The following SKAP2 variants were observed in gnomAD, a reference collection of about 807,000 sequenced individuals.
SKAP2 encodes src kinase-associated phosphoprotein 2.
SKAP2 carries 28 observed loss-of-function variants against 54.9 expected under a neutral mutation model. The observed-to-expected ratio is 0.51, with a 90% CI of 0.38 to 0.70. SKAP2 has a LOEUF of 0.70. Ranked by LOEUF, SKAP2 falls within the 30% of genes least tolerant of loss-of-function variation. The probability of loss-of-function intolerance (pLI) is 0.00; values close to 1 mark genes in which losing one functional copy is unlikely to be tolerated. For missense variants in SKAP2, 356 were observed against 424.1 expected, an observed-to-expected ratio of 0.84 and a Z score of 1.41; for synonymous variants, 137 against 134.3, an observed-to-expected ratio of 1.02 and a Z score of -0.14.
At chr7:26,811,129 C>G (rs1395862654) in intron 4 of SKAP2, among the ~76,000 whole-genome samples, 1 of 152,164 alleles carries the variant, frequency 6.6e-6, no homozygotes, top group Non-Finnish European at 1.5e-5. Flanking sequence ...CTAAACACAA[C>G]AAGCCTGAAG....
intron 4 of SKAP2, among the ~76,000 whole-genome samples, chr7:26,784,564 C>T (rs1489452454): frequency 6.6e-6 from 1 of 152,184 alleles, no homozygotes; most frequent in Non-Finnish European, 1.5e-5. Flanking sequence ...ATGAATCATT[C>T]ATATTTATCT....
intron 1 of SKAP2, 23 bp from the exon 2 acceptor site, chr7:26,854,913 C>T (rs760304733): frequency 6.8e-7 from 1 of 1,480,444 alleles, no homozygotes; most frequent in Non-Finnish European, 9.3e-7. Context: ...ATATAAGAAA[C>T]AGGATACAAA....
At chr7:26,686,341 G>A (rs1027037833) in intron 10 of SKAP2, among the ~76,000 whole-genome samples, 1 of 152,022 alleles carries the variant, frequency 6.6e-6, no homozygotes, top group African/African-American at 2.4e-5. Context: ...TGGGAGTGGA[G>A]AGAGAAGGAG....
chr7:26,805,146 T>G (rs1783998915), intron 4 of SKAP2, among the ~76,000 whole-genome samples: 2 of 152,184 alleles, frequency 1.3e-5, no homozygotes, highest in Admixed American at 6.5e-5. Flanking sequence ...GAGGTTCCCT[T>G]GAGCTTGAGA....
Position 26,672,138 on chromosome 7 carries a change from AAC to A in SKAP2, c.988-1948_988-1947del, listed in dbSNP as rs1429468444. Among the ~76,000 whole-genome samples, 151 of 152,168 alleles carry A rather than the reference AAC, an allele frequency of 9.9e-4. 2 individuals are homozygous for A. Among genetic ancestry groups the A allele is most frequent in the African/African-American group, 3.6e-3 (149 of 41,556 alleles). ...AGTGAGAAGACATATTATTGGCATA[AAC>A]TTGCTTCCAGAGAATGGCCCTCAAT... On this transcript the variant is annotated intron_variant, in intron 11 of 12. Transcript: ENST00000345317.
intron 9 of SKAP2, among the ~76,000 whole-genome samples, chr7:26,698,093 T>C (rs1786934875): frequency 6.6e-6 from 1 of 152,220 alleles, no homozygotes; most frequent in Non-Finnish European, 1.5e-5. Flanking sequence ...CTGCCTACTA[T>C]AACCTCTGGA....
At chr7:26,859,615 T>C (rs955190972) in intron 1 of SKAP2, among the ~76,000 whole-genome samples, 1 of 152,232 alleles carries the variant, frequency 6.6e-6, no homozygotes, top group Non-Finnish European at 1.5e-5. Context: ...TTTGGGAAGC[T>C]AAATGATGTA....
chr7:26,726,077 A>C, intron 7 of SKAP2, 91 bp from the exon 8 acceptor site: 1 of 793,624 alleles, frequency 1.3e-6, no homozygotes, highest in Non-Finnish European at 2.0e-6. Flanking sequence ...ACTATTAGTA[A>C]TTCTTTTCAT....
chr7:26,720,626 A>C (rs184143721), intron 9 of SKAP2, among the ~76,000 whole-genome samples: 6 of 152,252 alleles, frequency 3.9e-5, no homozygotes, highest in Admixed American at 3.3e-4. Context: ...GGTTTAATTG[A>C]CTCACAGTTT....
At chr7:26,741,149 T>C (rs1782436913) in intron 4 of SKAP2, among the ~76,000 whole-genome samples, 1 of 151,858 alleles carries the variant, frequency 6.6e-6, no homozygotes, top group South Asian at 2.1e-4. Flanking sequence ...AACATGTAAT[T>C]AGAATGAATA....
intron 9 of SKAP2, among the ~76,000 whole-genome samples, chr7:26,708,811 T>C (rs1450409895): frequency 1.3e-5 from 2 of 152,226 alleles, no homozygotes; most frequent in East Asian, 1.9e-4. Context: ...CTGAGTCATA[T>C]TGGTCAACAC....
At chr7:26,742,531 G>A (rs1279268535) in intron 4 of SKAP2, 1 of 152,090 alleles carries the variant, frequency 6.6e-6, no homozygotes, top group South Asian at 2.1e-4. Context: ...ATTTCCACCT[G>A]ATACATCACA....
chr7:26,660,594 A>G, the SKAP2 span, among the ~76,000 whole-genome samples: 1 of 152,074 alleles, frequency 6.6e-6, no homozygotes, highest in African/African-American at 2.4e-5. Context: ...GGAAAAGTTT[A>G]GAAAACAGAC....
chr7:26,847,894 T>TAAG (rs1249722229), intron 3 of SKAP2: 1 of 152,214 alleles, frequency 6.6e-6, no homozygotes, highest in Non-Finnish European at 1.5e-5. Flanking sequence ...TTAATACTGT[T>TAAG]TCTTGTTTCC....
In SKAP2 at chr7:26,858,841, T is replaced by C. The variant is rs541590179; in HGVS notation, c.68-3951A>G. On this transcript the variant is annotated intron_variant, in intron 1 of 12. Transcript: ENST00000345317. ...TAGTATCTAGCACAGATTCCCACTCTTGAAAAGCAGTTTGGCCACTTGTCC... is the reference window on the plus strand; with the variant it reads ...TAGTATCTAGCACAGATTCCCACTCCTGAAAAGCAGTTTGGCCACTTGTCC... Among the ~76,000 whole-genome samples, 3 of 152,300 alleles carry C rather than the reference T, an allele frequency of 2.0e-5. No individual in the cohort carries two copies. The South Asian group carries it at 6.2e-4, about 32-fold the overall frequency.
intron 9 of SKAP2, among the ~76,000 whole-genome samples, chr7:26,704,388 A>T (rs545679601): frequency 6.6e-6 from 1 of 152,198 alleles, no homozygotes; most frequent in East Asian, 1.9e-4. Flanking sequence ...CAGGAGCCTA[A>T]GAAGATTGAT....
At chr7:26,744,163 A>C (rs1271109005) in intron 4 of SKAP2, among the ~76,000 whole-genome samples, 1 of 152,078 alleles carries the variant, frequency 6.6e-6, no homozygotes, top group African/African-American at 2.4e-5. Flanking sequence ...TTTTTCTTGA[A>C]TCTAGGATGA....
intron 4 of SKAP2, among the ~76,000 whole-genome samples, chr7:26,814,149 A>C (rs1417471062): frequency 2.6e-5 from 4 of 152,094 alleles, no homozygotes; most frequent in African/African-American, 9.7e-5. Context: ...TAACAAAAGC[A>C]CAATTAATCT....
intron 11 of SKAP2, among the ~76,000 whole-genome samples, chr7:26,676,274 G>T (rs564639630): frequency 1.3e-5 from 2 of 152,264 alleles, no homozygotes; most frequent in East Asian, 3.9e-4. Context: ...CAGATATTCA[G>T]GGCAGAGTCT....
Sources: allele counts gnomAD v4.1 joint callset (sites outside exome capture counted in the v4.1 genomes callset), GRCh38; gene constraint gnomAD v4.1.1; transcripts MANE v1.5; gene names NCBI Gene and HGNC (gene_info 2026-07-23, HGNC 2026-07-21).